The following ITPRIP variants were observed in gnomAD, a reference collection of about 807,000 sequenced individuals.
The protein encoded by ITPRIP is inositol 1,4,5-trisphosphate receptor-interacting protein.
ITPRIP carries 32 observed loss-of-function variants against 35.8 expected under a neutral mutation model. The observed-to-expected ratio is 0.89, with a 90% CI of 0.68 to 1.20. ITPRIP has a LOEUF of 1.20. ITPRIP is among the 50% of genes most tolerant of loss of function. The pLI is 0.00. For synonymous variants in ITPRIP, 358 were observed against 324.0 expected (o/e 1.11, Z -1.13); for missense variants, 653 against 735.6 (o/e 0.89, Z 1.30).
chr10:104,315,408 G>A lies in ITPRIP; in HGVS notation c.644C>T (p.Thr215Ile). Residue 215 changes from threonine (T) to isoleucine (I), a missense_variant, in exon 2 of 2, where the codon ACA becomes ATA. Coordinates refer to ENST00000337478, the MANE Select transcript of ITPRIP (RefSeq NM_001272013.2). This position sits in a 1 kb window ranked among gnomAD's most constrained non-coding sequence, Gnocchi z 5.7. The part of the protein sequence containing the change: ...PLLCHLFVPF[T>I]PPEPYRFHPE... ...GTGGAAGCGGTAGGGCTCGGGGGGTGTGAAGGGCACGAAAAGGTGGCACAG... is the reference window on the plus strand; with the variant it reads ...GTGGAAGCGGTAGGGCTCGGGGGGTATGAAGGGCACGAAAAGGTGGCACAG... 1.3e-6 allele frequency: 2 copies of A among 1,586,170 alleles called. No individual in the cohort carries two copies. Among genetic ancestry groups the A allele is most frequent in the Non-Finnish European group, 1.7e-6 (2 of 1,163,278 alleles).
chr10:104,331,060 C>A (rs1397638954), intron 1 of ITPRIP, among the ~76,000 whole-genome samples: 1 of 152,172 alleles, frequency 6.6e-6, no homozygotes, highest in South Asian at 2.1e-4. Flanking sequence ...CTCCTTCTAC[C>A]AAGATTCTGT....
In ITPRIP at chr10:104,314,314, T is replaced by C; in HGVS notation, c.*94A>G. 2 of 1,516,678 alleles carry C rather than the reference T, an allele frequency of 1.3e-6. No homozygotes were observed. The highest frequency in any genetic ancestry group is 8.8e-7 in the Non-Finnish European group (1 of 1,134,384). The allele number at this position is 1,516,678 out of a possible 1,614,324, so 94.0% of individuals were successfully genotyped here. On this transcript the variant is annotated 3_prime_UTR_variant, in exon 2 of 2. Coordinates refer to ENST00000337478, the MANE Select transcript of ITPRIP (RefSeq NM_001272013.2). ...GCACGGCTCCCACGAAAGCCCGCCT[T>C]GTCCCCAGAACAGGGCTGGCAGATG...
chr10:104,329,950 G>C (rs2014114928), intron 1 of ITPRIP, among the ~76,000 whole-genome samples: 2 of 152,216 alleles, frequency 1.3e-5, no homozygotes, highest in South Asian at 4.1e-4. Context: ...CATCCCTGCA[G>C]CTCCTCCAGA....
rs1445958599 is a variant in ITPRIP at position 104,311,363 on chromosome 10, T to G, written c.*3045A>C. On this transcript the variant is annotated 3_prime_UTR_variant, in exon 2 of 2. Transcript: ENST00000337478. ...AAGAAAGTGAGAGGGCTTCCTCAGC[T>G]AGGGGTACCATCAGTCACTTGGGGG... 1 of 152,224 alleles carries G rather than the reference T, an allele frequency of 6.6e-6. No homozygotes were observed. Among genetic ancestry groups the G allele is most frequent in the East Asian group, 1.9e-4 (1 of 5,202 alleles). 9.4% of individuals were successfully genotyped at this position (152,224 alleles called of 1,614,324 possible). A position where few individuals can be genotyped will look rare whatever the true frequency, so the allele number is the denominator to read the frequency against.
At position 104,336,659 on chromosome 10, in the gene ITPRIP, C is replaced by T. The variant is rs112190441; in HGVS notation, c.-14+1587G>A. Among the ~76,000 whole-genome samples, 205 of 152,254 alleles carry T rather than the reference C, an allele frequency of 1.3e-3. 1 individual carries two copies. The highest frequency in any genetic ancestry group is 3.1e-3 in the African/African-American group (128 of 41,532). On this transcript the variant is annotated intron_variant, in intron 1 of 1. Coordinates refer to ENST00000337478, the MANE Select transcript of ITPRIP (RefSeq NM_001272013.2). ...CTCCTGGGTTCAAGCAATCCTCCCA[C>T]CTCAGCCTCCCAAAGCTCTGGGAAG...
chr10:104,320,376 T>C (rs529225582), intron 1 of ITPRIP, among the ~76,000 whole-genome samples: 1 of 152,290 alleles, frequency 6.6e-6, no homozygotes, highest in South Asian at 2.1e-4. Context: ...TCCAGGTCTT[T>C]AGATAATAAC....
intron 1 of ITPRIP, among the ~76,000 whole-genome samples, chr10:104,334,101 T>C (rs993815699): frequency 2.0e-5 from 3 of 152,122 alleles, no homozygotes; most frequent in African/African-American, 7.2e-5. Context: ...TCAACTCAAG[T>C]CTGCCCCACT....
At chr10:104,330,472 C>G (rs1230225425) in intron 1 of ITPRIP, among the ~76,000 whole-genome samples, 3 of 152,328 alleles carry the variant, frequency 2.0e-5, no homozygotes, top group South Asian at 2.1e-4. Context: ...GACTCACTGC[C>G]AACGTTTAGA....
chr10:104,336,495 G>T (rs748091374), intron 1 of ITPRIP, among the ~76,000 whole-genome samples: 10,397 of 44,034 alleles, frequency 0.24, 362 homozygotes, highest in Non-Finnish European at 0.27. Flanking sequence ...ATTTTTTTTT[G>T]GGGGGGGGGG....
chr10:104,331,618 T>A (rs1589896244), intron 1 of ITPRIP, among the ~76,000 whole-genome samples: 1 of 152,240 alleles, frequency 6.6e-6, no homozygotes, highest in East Asian at 1.9e-4. Context: ...CACTGTGTTA[T>A]GCACCTGGAA....
At chr10:104,335,446 C>T (rs563151718) in intron 1 of ITPRIP, among the ~76,000 whole-genome samples, 1 of 152,270 alleles carries the variant, frequency 6.6e-6, no homozygotes, top group African/African-American at 2.4e-5. Flanking sequence ...GTGCAGCCAC[C>T]GCCGTTTCCC....
intron 1 of ITPRIP, among the ~76,000 whole-genome samples, chr10:104,324,386 G>A (rs1331026864): frequency 6.6e-6 from 1 of 152,222 alleles, no homozygotes; most frequent in Non-Finnish European, 1.5e-5. Context: ...TGAAAGGGGA[G>A]GGAGGGACAG....
intron 1 of ITPRIP, among the ~76,000 whole-genome samples, chr10:104,322,582 C>T (rs1263001887): frequency 6.6e-6 from 1 of 152,228 alleles, no homozygotes; most frequent in African/African-American, 2.4e-5. Context: ...ACCATCCCTT[C>T]CCAAACCAGG....
chr10:104,316,829 G>T (rs1157645393), intron 1 of ITPRIP, among the ~76,000 whole-genome samples: 1 of 152,164 alleles, frequency 6.6e-6, no homozygotes, highest in Non-Finnish European at 1.5e-5. Context: ...ATACAGTGAA[G>T]CCTAGTGGTT....
At position 104,313,112 on chromosome 10, in the gene ITPRIP, C is replaced by A; in HGVS notation, c.*1296G>T. 1 of 985,336 alleles carries A rather than the reference C, an allele frequency of 1.0e-6. No individual in the cohort carries two copies. Among genetic ancestry groups the A allele is most frequent in the South Asian group, 4.7e-5 (1 of 21,282 alleles). The allele number at this position is 985,336 out of a possible 1,614,324, so 61.0% of individuals were successfully genotyped here. A position where few individuals can be genotyped will look rare whatever the true frequency, so the allele number is the denominator to read the frequency against. On this transcript the variant is annotated 3_prime_UTR_variant, in exon 2 of 2. Coordinates refer to ENST00000337478, the MANE Select transcript of ITPRIP (RefSeq NM_001272013.2). ...GGTGGGTTCTGTGCAGTGAGGGAGC[C>A]CCGCTGGAGTGAGGAACTAGGGGCT...
In ITPRIP at chr10:104,309,728, G is replaced by T. The variant is rs1320159151; in HGVS notation, c.*4680C>A. The T allele has an allele frequency of 6.6e-6, 1 of 152,016 alleles. No individual in the cohort carries two copies. Among genetic ancestry groups the T allele is most frequent in the Non-Finnish European group, 1.5e-5 (1 of 68,022 alleles). The allele number at this position is 152,016 out of a possible 1,614,324, so 9.4% of individuals were successfully genotyped here. A position where few individuals can be genotyped will look rare whatever the true frequency, so the allele number is the denominator to read the frequency against. On this transcript the variant is annotated 3_prime_UTR_variant, in exon 2 of 2. Transcript: ENST00000337478. The stretch of plus-strand genomic sequence containing the variant: ...GTATGATGCCATTTATGTAAAAAAG[G>T]ACTAAAAGGATGCATATATATATAC...
intron 1 of ITPRIP, among the ~76,000 whole-genome samples, chr10:104,320,268 C>CCAT (rs1427824986): frequency 5.3e-5 from 8 of 152,146 alleles, no homozygotes; most frequent in African/African-American, 1.9e-4. Flanking sequence ...CAGACACTTA[C>CCAT]CATCTCCTGT....
At chr10:104,337,866 C>A (rs1368254152) in intron 1 of ITPRIP, among the ~76,000 whole-genome samples, 1 of 152,198 alleles carries the variant, frequency 6.6e-6, no homozygotes, top group Non-Finnish European at 1.5e-5. Context: ...TTCGGTAGCG[C>A]TCTGCTCAGA....
rs768281516 is a variant in ITPRIP, at chr10:104,313,437, G to A, written c.*971C>T. On this transcript the variant is annotated 3_prime_UTR_variant, in exon 2 of 2. Transcript: ENST00000337478. ...CTCTGGGAGTGCCATGGCCTCAGGT[G>A]CCTTGTGGTTGCCAATGAAGAAGTG... The A allele has an allele frequency of 1.6e-5, 16 of 985,726 alleles. No homozygotes were observed. Among genetic ancestry groups the A allele is most frequent in the Middle Eastern group, 4.9e-4 (1 of 2,052 alleles). The allele number at this position is 985,726 out of a possible 1,614,324, so 61.1% of individuals were successfully genotyped here.
Sources: allele counts gnomAD v4.1 joint callset (sites outside exome capture counted in the v4.1 genomes callset), GRCh38; gene constraint gnomAD v4.1.1; non-coding constraint Gnocchi (gnomAD v3.1); transcripts MANE v1.5; gene names NCBI Gene and HGNC (gene_info 2026-07-23, HGNC 2026-07-21).